The following ATP13A3 variants were observed in gnomAD, a reference collection of about 807,000 sequenced individuals.
The protein encoded by ATP13A3 is polyamine-transporting ATPase 13A3.
Under a neutral mutation model 158.1 loss-of-function variants are expected in ATP13A3, and 59 were observed. The observed-to-expected ratio is 0.37, with a 90% CI of 0.30 to 0.46. The LOEUF is 0.46. Among genes scored for constraint, ATP13A3 ranks in the 20% least tolerant of loss-of-function variants. The pLI is 1.00. For missense variants in ATP13A3, 1,166 were observed against 1,525.2 expected, an observed-to-expected ratio of 0.76 and a Z score of 3.92; for synonymous variants, 491 against 504.3, an observed-to-expected ratio of 0.97 and a Z score of 0.35.
chr3:194,412,232 T>C lies in ATP13A3; in HGVS notation c.3540A>G (p.Gly1180=), dbSNP rs1715493063. 6.5e-7 allele frequency: 1 copy of C among 1,536,144 alleles called. No individual in the cohort carries two copies. Among genetic ancestry groups the C allele is most frequent in the African/African-American group, 1.4e-5 (1 of 72,954 alleles). The change falls in exon 33 of 34, where the codon GGA becomes GGG. Residue 1180 remains glycine, a synonymous_variant. Coordinates refer to ENST00000645319, the MANE Select transcript of ATP13A3 (RefSeq NM_001367549.1). ...WKVVFNRDKQ[G]EYRFSTTQPP... is the part of the protein sequence containing the mutation. ...GCTGTGTGGTGCTGAACCGATACTCTCCTTGTTTGTCTCGGTTGAACACAA... is the reference window on the plus strand; with the variant it reads ...GCTGTGTGGTGCTGAACCGATACTCCCCTTGTTTGTCTCGGTTGAACACAA...
chr3:194,479,892 T>C (rs1009721099), intron 2 of ATP13A3, among the ~76,000 whole-genome samples: 1 of 152,072 alleles, frequency 6.6e-6, no homozygotes, highest in Non-Finnish European at 1.5e-5. Context: ...AGAGAAAAAC[T>C]AAAATATACA....
chr3:194,492,493 G>A (rs1721158110), intron 2 of ATP13A3, among the ~76,000 whole-genome samples: 1 of 148,152 alleles, frequency 6.7e-6, no homozygotes, highest in Admixed American at 6.7e-5. Flanking sequence ...GAGTCTCGTT[G>A]GGTCACCCAG....
At chr3:194,419,184 A>C (rs1006670471) in intron 31 of ATP13A3, among the ~76,000 whole-genome samples, 1 of 152,204 alleles carries the variant, frequency 6.6e-6, no homozygotes, top group South Asian at 2.1e-4. Context: ...CACAGAAAAA[A>C]GGGAACAAGA....
chr3:194,462,690 A>G (rs1719746918), intron 2 of ATP13A3, among the ~76,000 whole-genome samples: 1 of 152,186 alleles, frequency 6.6e-6, no homozygotes, highest in Admixed American at 6.5e-5. Context: ...TTAAATTTGA[A>G]TTCTTCCAAA....
intron 29 of ATP13A3, among the ~76,000 whole-genome samples, chr3:194,425,813 A>G (rs574361722): frequency 1.3e-5 from 2 of 152,238 alleles, no homozygotes; most frequent in South Asian, 4.1e-4. Flanking sequence ...TAATTTTAGC[A>G]GAGTGAAAAC....
chr3:194,408,461 C>T (rs147032213), intron 33 of ATP13A3, among the ~76,000 whole-genome samples: 34 of 152,278 alleles, frequency 2.2e-4, no homozygotes, highest in Middle Eastern at 3.4e-3. Context: ...GCAATGCGTA[C>T]GTAGCAAGCT....
intron 10 of ATP13A3, 59 bp from the exon 11 acceptor site, chr3:194,450,335 C>T (rs1344951827): frequency 2.7e-6 from 4 of 1,503,252 alleles, no homozygotes; most frequent in Admixed American, 3.7e-5. Flanking sequence ...TGGAAAAATA[C>T]AGCAAATGCT....
intron 33 of ATP13A3, 143 bp from the exon 34 acceptor site, chr3:194,406,259 T>C: frequency 1.1e-6 from 1 of 921,958 alleles, no homozygotes; most frequent in Non-Finnish European, 1.6e-6. Context: ...GAAAAAAAAA[T>C]CCATGTTAAA....
rs1480495606 is a variant in ATP13A3 at position 194,405,574 on chromosome 3, G to C, written c.*345C>G. On this transcript the variant is annotated 3_prime_UTR_variant, in exon 34 of 34. Transcript: ENST00000645319. The stretch of plus-strand genomic sequence containing the variant: ...AGCATAAATGTGAAGAGGTAAACTA[G>C]TCTCAAAAACTAATGTTGAAAAACC... The C allele has an allele frequency of 2.9e-5, 6 of 209,094 alleles. No homozygotes were observed. The highest frequency in any genetic ancestry group is 1.9e-3 in the Middle Eastern group (1 of 518). The allele number at this position is 209,094 out of a possible 1,614,324, so 13.0% of individuals were successfully genotyped here. A position where few individuals can be genotyped will look rare whatever the true frequency, so the allele number is the denominator to read the frequency against.
intron 30 of ATP13A3, among the ~76,000 whole-genome samples, chr3:194,420,916 C>A (rs574691087): frequency 1.5e-4 from 23 of 150,696 alleles, no homozygotes; most frequent in Non-Finnish European, 2.7e-4. Flanking sequence ...AAAACTTTAT[C>A]ATGAAGCCTC....
intron 30 of ATP13A3, among the ~76,000 whole-genome samples, chr3:194,421,126 A>ATAGTTTATATATATATAC (rs1716276970): frequency 1.6e-5 from 1 of 60,760 alleles, no homozygotes; most frequent in Non-Finnish European, 2.5e-5. Context: ...ATATATATAT[A>ATAGTTTATATATATATAC]TATATATATA....
chr3:194,468,746 G>A (rs773243567), intron 2 of ATP13A3, among the ~76,000 whole-genome samples: 11 of 152,128 alleles, frequency 7.2e-5, no homozygotes, highest in Non-Finnish European at 1.5e-4. Flanking sequence ...GTAATTTCAC[G>A]AAGTGATTTA....
chr3:194,482,610 C>A (rs1330817720), intron 2 of ATP13A3, among the ~76,000 whole-genome samples: 1 of 152,176 alleles, frequency 6.6e-6, no homozygotes, highest in East Asian at 1.9e-4. Context: ...TGATGTTCAA[C>A]AAAACTCAAA....
chr3:194,411,501 G>A (rs1463480167), intron 33 of ATP13A3, among the ~76,000 whole-genome samples: 3 of 152,306 alleles, frequency 2.0e-5, no homozygotes, highest in African/African-American at 7.2e-5. Flanking sequence ...TGTATCAAGA[G>A]CTATACTTTA....
At chr3:194,417,958 CGGAAGGAAGGAA>C (rs1198337838) in intron 31 of ATP13A3, among the ~76,000 whole-genome samples, 7 of 76,886 alleles carry the variant, frequency 9.1e-5, no homozygotes, top group African/African-American at 2.2e-4. Context: ...GACGGACGGA[CGGAAGGAAGGAA>C]GGAAGGAAGG....
chr3:194,439,636 TAAC>T (rs1202257443), intron 16 of ATP13A3, among the ~76,000 whole-genome samples: 1 of 152,234 alleles, frequency 6.6e-6, no homozygotes, highest in African/African-American at 2.4e-5. Flanking sequence ...TTTCGTATCT[TAAC>T]ATCTCTAAAA....
rs565800090 is a variant in ATP13A3 at position 194,427,156 on chromosome 3, A to C, written c.3044T>G (p.Ile1015Ser). The C allele has an allele frequency of 5.6e-6, 9 of 1,613,958 alleles. No homozygotes were observed. In the African/African-American group the frequency reaches 1.1e-4, roughly 19 times the overall value. The change falls in exon 29 of 34, where the codon ATC becomes AGC. Residue 1015 changes from isoleucine (I) to serine (S), a missense_variant. This residue lies in a region of ATP13A3 where 997 missense variants were observed against 1,341.2 expected (regional missense o/e 0.74). Coordinates refer to ENST00000645319, the MANE Select transcript of ATP13A3 (RefSeq NM_001367549.1). ...ALLFSVLSQI[I>S]ICIGFQSLGF... ...CAAAGATTGAAATCCAATGCAGATGATAATCTGAGACAAAACGGAGAAGAG... is the reference window on the plus strand; with the variant it reads ...CAAAGATTGAAATCCAATGCAGATGCTAATCTGAGACAAAACGGAGAAGAG...
At chr3:194,423,331 A>G (rs937609392) in intron 30 of ATP13A3, among the ~76,000 whole-genome samples, 9 of 152,244 alleles carry the variant, frequency 5.9e-5, no homozygotes, top group Admixed American at 2.0e-4. Flanking sequence ...CTTAAAAATC[A>G]TAACTTCAAA....
In ATP13A3 at chr3:194,437,332, C is replaced by A. The variant is rs768328118; in HGVS notation, c.1978G>T (p.Gly660Cys). The part of the protein sequence containing the change: ...YMKGAPEAIA[G>C]LCKPETVPVD... ...TTACCTGTTTCAGGTTTACAGAGAC[C>A]GGCAATGGCCTCGGGCGCTCCTTTC... The change falls in exon 19 of 34, where the codon GGT becomes TGT. Residue 660 changes from glycine to cysteine, a missense_variant. Gly to Cys is a radical substitution (Grantham distance 159). Transcript: ENST00000645319. The A allele has an allele frequency of 1.4e-5, 22 of 1,614,162 alleles. No homozygotes were observed. Among genetic ancestry groups the A allele is most frequent in the Non-Finnish European group, 1.8e-5 (21 of 1,180,024 alleles).
Sources: gnomAD v4.1 joint callset for allele counts (sites outside exome capture counted in the v4.1 genomes callset) on GRCh38, gnomAD v4.1.1 for gene constraint, gnomAD v4.1.1 regional missense constraint, MANE v1.5 for transcripts, NCBI Gene and HGNC (gene_info 2026-07-23, HGNC 2026-07-21) for gene names.